Variants in FER observed in about 807,000 individuals in gnomAD.
The protein encoded by FER is FER tyrosine kinase, also known as tyrosine-protein kinase Fer.
A neutral mutation model predicts 111.0 loss-of-function variants in FER; 63 were observed. The observed-to-expected ratio is 0.57, with a 90% confidence interval of 0.46 to 0.70. The LOEUF (loss-of-function observed/expected upper bound fraction) is 0.70, where lower values mean the gene tolerates loss of function less well. Ranked by LOEUF, FER falls within the 30% of genes least tolerant of loss-of-function variation. The pLI is 0.00. For synonymous variants in FER, 327 were observed against 313.9 expected (o/e 1.04, Z -0.44); for missense variants, 914 against 954.0 (o/e 0.96, Z 0.55).
intron 13 of FER, among the ~76,000 whole-genome samples, chr5:109,010,686 T>C (rs551308360): frequency 4.6e-5 from 7 of 152,184 alleles, no homozygotes; most frequent in Admixed American, 3.9e-4. Flanking sequence ...TCTGTAGTTA[T>C]GCAAACTAGA....
intron 17 of FER, among the ~76,000 whole-genome samples, chr5:109,173,688 T>G (rs1757379955): frequency 6.6e-6 from 1 of 152,068 alleles, no homozygotes; most frequent in Non-Finnish European, 1.5e-5. Context: ...CTTAAGACTG[T>G]GATGTCTATT....
At chr5:108,778,962 T>C (rs536855929) in intron 2 of FER, among the ~76,000 whole-genome samples, 6 of 151,994 alleles carry the variant, frequency 3.9e-5, no homozygotes, top group Non-Finnish European at 7.4e-5. Flanking sequence ...GGCCTATGAT[T>C]GATTTTGAGT....
intron 16 of FER, among the ~76,000 whole-genome samples, chr5:109,091,950 A>C (rs114164050): frequency 0.011 from 1,602 of 152,142 alleles, 22 homozygotes; most frequent in African/African-American, 0.037. Context: ...TGACTTTATA[A>C]AAAGGCTGGA....
intron 3 of FER, among the ~76,000 whole-genome samples, chr5:108,809,763 A>G (rs1211948720): frequency 1.3e-5 from 2 of 152,086 alleles, no homozygotes; most frequent in African/African-American, 4.8e-5. Flanking sequence ...GGATATTACC[A>G]TATTGCCCAG....
rs552202875 is a variant in FER, at chr5:108,984,563, G to GT, written c.1656+25228dup. 2.9e-3 allele frequency among the ~76,000 whole-genome samples: 428 copies of GT among 145,936 alleles called. 2 individuals are homozygous for GT. Among genetic ancestry groups the GT allele is most frequent in the Middle Eastern group, 0.014 (4 of 286 alleles). On this transcript the variant is annotated intron_variant, in intron 13 of 19. Transcript: ENST00000281092. ...TGGAGAATAAGTAAATGCCACGATAGTTTTTTTTTTTTACATTCTGTATTA... is the reference window on the plus strand; with the variant it reads ...TGGAGAATAAGTAAATGCCACGATAGTTTTTTTTTTTTTACATTCTGTATTA...
intron 8 of FER, among the ~76,000 whole-genome samples, chr5:108,883,048 A>T (rs1765829938): frequency 1.3e-5 from 2 of 151,948 alleles, no homozygotes; most frequent in South Asian, 4.1e-4. Flanking sequence ...AATACTACTT[A>T]CCATTTACTC....
intron 16 of FER, chr5:109,052,517 C>T (rs200041989): frequency 1.3e-6 from 1 of 759,692 alleles, no homozygotes; most frequent in East Asian, 2.4e-5. Flanking sequence ...TGATTGAACT[C>T]CTTGGAGGAT....
chr5:109,024,197 T>A (rs922813077), intron 13 of FER, among the ~76,000 whole-genome samples: 3 of 152,146 alleles, frequency 2.0e-5, no homozygotes, highest in African/African-American at 7.2e-5. Context: ...GTGCTGTAGA[T>A]CATTGTAGTT....
intron 13 of FER, among the ~76,000 whole-genome samples, chr5:109,029,128 C>G (rs1769203570): frequency 6.6e-6 from 1 of 151,858 alleles, no homozygotes; most frequent in Non-Finnish European, 1.5e-5. Context: ...ATGAAACAGA[C>G]CTACTTTGTT....
intron 5 of FER, among the ~76,000 whole-genome samples, chr5:108,867,020 C>G (rs1299893121): frequency 6.6e-6 from 1 of 152,126 alleles, no homozygotes; most frequent in Non-Finnish European, 1.5e-5. Context: ...GCACCTAGAA[C>G]TGCACTACCT....
intron 16 of FER, among the ~76,000 whole-genome samples, chr5:109,077,815 T>C (rs1394105384): frequency 6.6e-6 from 1 of 152,204 alleles, no homozygotes; most frequent in East Asian, 1.9e-4. Flanking sequence ...TTTTAAAATG[T>C]TTTTAAATTG....
At chr5:108,789,440 A>G (rs944335359) in intron 2 of FER, among the ~76,000 whole-genome samples, 71 of 150,992 alleles carry the variant, frequency 4.7e-4, no homozygotes, top group African/African-American at 1.5e-3. Flanking sequence ...TTGACTTTCT[A>G]TATTCTAAAT....
intron 10 of FER, among the ~76,000 whole-genome samples, chr5:108,909,517 C>T (rs1751256015): frequency 6.6e-6 from 1 of 152,126 alleles, no homozygotes; most frequent in Non-Finnish European, 1.5e-5. Context: ...GGAGAAACAA[C>T]TCATTCCAAA....
At chr5:108,857,414 C>T (rs1158756580) in intron 5 of FER, among the ~76,000 whole-genome samples, 1 of 152,044 alleles carries the variant, frequency 6.6e-6, no homozygotes, top group Non-Finnish European at 1.5e-5. Flanking sequence ...TCCATGATGT[C>T]AGTTCATCCC....
At chr5:108,867,981 C>T in intron 6 of FER, 31 bp downstream of exon 6, 4 of 1,571,232 alleles carry the variant, frequency 2.5e-6, no homozygotes, top group Non-Finnish European at 3.5e-6. Flanking sequence ...ATCATAAAAT[C>T]CCTTCACAAA....
intron 5 of FER, among the ~76,000 whole-genome samples, chr5:108,861,430 TCAA>T (rs1241192543): frequency 6.6e-6 from 1 of 152,204 alleles, no homozygotes; most frequent in Non-Finnish European, 1.5e-5. Context: ...AATAGATTTG[TCAA>T]CAAGTTGTGG....
chr5:109,139,148 G>A (rs1753224857), intron 17 of FER, among the ~76,000 whole-genome samples: 1 of 152,114 alleles, frequency 6.6e-6, no homozygotes, highest in African/African-American at 2.4e-5. Flanking sequence ...GGCTCAAAAG[G>A]AACACAGCGG....
intron 17 of FER, among the ~76,000 whole-genome samples, chr5:109,154,796 A>G (rs1172594388): frequency 6.6e-6 from 1 of 151,914 alleles, no homozygotes; most frequent in Non-Finnish European, 1.5e-5. Flanking sequence ...GGGACCTTCA[A>G]AACTGAAATT....
chr5:108,789,550 A>C (rs1755115706), intron 2 of FER, among the ~76,000 whole-genome samples: 1 of 152,174 alleles, frequency 6.6e-6, no homozygotes, highest in South Asian at 2.1e-4. Context: ...TTGCAATAAC[A>C]ACAACAAAAA....
Sources: allele counts gnomAD v4.1 joint callset (sites outside exome capture counted in the v4.1 genomes callset), GRCh38; gene constraint gnomAD v4.1.1; transcripts MANE v1.5; gene names NCBI Gene and HGNC (gene_info 2026-07-23, HGNC 2026-07-21).